Variants in FOXN3 observed in about 807,000 individuals in gnomAD.
FOXN3 encodes the protein forkhead box protein N3.
A neutral mutation model predicts 38.4 loss-of-function variants in FOXN3; 7 were observed. That is an observed-to-expected ratio of 0.18 (90% CI 0.10 to 0.34). The LOEUF (loss-of-function observed/expected upper bound fraction) is 0.34. Among genes scored for constraint, FOXN3 ranks in the 10% least tolerant of loss-of-function variants. The pLI is 1.00. For synonymous variants in FOXN3, 230 were observed against 242.2 expected, an observed-to-expected ratio of 0.95 and a Z score of 0.47; for missense variants, 456 against 613.4, an observed-to-expected ratio of 0.74 and a Z score of 2.71.
At chr14:89,288,576 T>C (rs887284769) in intron 3 of FOXN3, among the ~76,000 whole-genome samples, 3 of 151,594 alleles carry the variant, frequency 2.0e-5, no homozygotes, top group Non-Finnish European at 2.9e-5. Context: ...AAAACCTTGG[T>C]ATGTGAGCAT....
At chr14:89,464,326 T>C (rs1892925080) in intron 1 of FOXN3, among the ~76,000 whole-genome samples, 1 of 152,160 alleles carries the variant, frequency 6.6e-6, no homozygotes, top group South Asian at 2.1e-4. Flanking sequence ...CCTACTCTAC[T>C]TGGAGATAGC....
intron 1 of FOXN3, among the ~76,000 whole-genome samples, chr14:89,543,874 G>A (rs1360171322): frequency 6.6e-6 from 1 of 151,922 alleles, no homozygotes; most frequent in Non-Finnish European, 1.5e-5. Flanking sequence ...CAACCGATTT[G>A]GTTTTAAGAC....
At chr14:89,383,381 A>T (rs952789310) in intron 2 of FOXN3, among the ~76,000 whole-genome samples, 1 of 152,216 alleles carries the variant, frequency 6.6e-6, no homozygotes, top group Non-Finnish European at 1.5e-5. Flanking sequence ...ATCAGAGGTG[A>T]GTGTATTGCA....
intron 1 of FOXN3, among the ~76,000 whole-genome samples, chr14:89,500,833 G>A (rs1446067859): frequency 1.3e-5 from 2 of 152,236 alleles, no homozygotes; most frequent in African/African-American, 4.8e-5. Context: ...AACTTGACCA[G>A]GAAGGCCTCA....
intron 2 of FOXN3, among the ~76,000 whole-genome samples, chr14:89,390,924 CA>C (rs1343962237): frequency 6.6e-6 from 1 of 152,138 alleles, no homozygotes; most frequent in East Asian, 1.9e-4. Flanking sequence ...GAGAGAAGCC[CA>C]AAGCCTCAGA....
intron 4 of FOXN3, among the ~76,000 whole-genome samples, chr14:89,276,074 C>G (rs11624456): frequency 2.6e-5 from 4 of 152,062 alleles, no homozygotes; most frequent in African/African-American, 9.7e-5. Context: ...ATCAAAAGTT[C>G]GAGACCAGCC....
chr14:89,436,249 T>G (rs1038911328), intron 1 of FOXN3, among the ~76,000 whole-genome samples: 6 of 150,896 alleles, frequency 4.0e-5, no homozygotes, highest in African/African-American at 1.5e-4. Flanking sequence ...ATTACATTCT[T>G]GGTTTTATAG....
chr14:89,375,384 C>T (rs1890449333), intron 2 of FOXN3, among the ~76,000 whole-genome samples: 1 of 151,694 alleles, frequency 6.6e-6, no homozygotes, highest in Non-Finnish European at 1.5e-5. Context: ...AGCAAGTTTG[C>T]AACATAACCT....
At chr14:89,549,713 T>C (rs1894963032) in intron 1 of FOXN3, among the ~76,000 whole-genome samples, 1 of 152,212 alleles carries the variant, frequency 6.6e-6, no homozygotes, top group Non-Finnish European at 1.5e-5. Flanking sequence ...GGTATTTCTT[T>C]TCAGATTCAA....
intron 3 of FOXN3, among the ~76,000 whole-genome samples, chr14:89,291,768 C>T (rs916368891): frequency 9.2e-5 from 14 of 152,320 alleles, no homozygotes; most frequent in East Asian, 5.8e-4. Flanking sequence ...TTGCGAACTG[C>T]GATTGACCTA....
intron 1 of FOXN3, among the ~76,000 whole-genome samples, chr14:89,559,355 C>T (rs1021150771): frequency 2.1e-4 from 32 of 152,090 alleles, no homozygotes; most frequent in African/African-American, 7.2e-4. Flanking sequence ...CCAGCCTTGG[C>T]AGCAGAGCAA....
intron 3 of FOXN3, among the ~76,000 whole-genome samples, chr14:89,322,153 G>T: frequency 6.6e-6 from 1 of 152,154 alleles, no homozygotes; most frequent in East Asian, 1.9e-4. Flanking sequence ...CAGGGTTCGG[G>T]ACCCCATAAT....
intron 1 of FOXN3, among the ~76,000 whole-genome samples, chr14:89,529,233 G>A (rs1894502232): frequency 6.6e-6 from 1 of 152,044 alleles, no homozygotes; most frequent in Non-Finnish European, 1.5e-5. Flanking sequence ...TTGTGTGTGT[G>A]TCTATGTTTA....
Position 89,343,937 on chromosome 14 carries a change from T to C in FOXN3, c.680+6735A>G, listed in dbSNP as rs528149696. On this transcript the variant is annotated intron_variant, in intron 3 of 5. Coordinates refer to ENST00000557258, the MANE Select transcript of FOXN3 (RefSeq NM_005197.4). The stretch of plus-strand genomic sequence containing the variant: ...CACCACACCCAGCTAATTTTTGTAT[T>C]TTTTGGTAGAGATGGGGTTTCACCA... Among the ~76,000 whole-genome samples, 16 of 152,200 alleles carry C rather than the reference T, an allele frequency of 1.1e-4. No individual in the cohort carries two copies. The South Asian group carries it at 3.3e-3, about 32-fold the overall frequency.
intron 1 of FOXN3, among the ~76,000 whole-genome samples, chr14:89,556,770 G>A (rs1895136786): frequency 6.6e-6 from 1 of 152,172 alleles, no homozygotes; most frequent in Non-Finnish European, 1.5e-5. Flanking sequence ...GCCGTCTCTG[G>A]CCTATCCCTG....
chr14:89,521,548 G>A (rs1894318686), intron 1 of FOXN3, among the ~76,000 whole-genome samples: 1 of 152,124 alleles, frequency 6.6e-6, no homozygotes, highest in African/African-American at 2.4e-5. Flanking sequence ...AGTCTGAGGA[G>A]AGGACAGGAA....
chr14:89,553,060 G>A (rs568864600), intron 1 of FOXN3, among the ~76,000 whole-genome samples: 4 of 150,564 alleles, frequency 2.7e-5, no homozygotes, highest in Non-Finnish European at 4.4e-5. Context: ...GCAAAATGGC[G>A]AAACCTCGTC....
At chr14:89,329,781 G>A (rs915527735) in intron 3 of FOXN3, among the ~76,000 whole-genome samples, 20 of 148,702 alleles carry the variant, frequency 1.3e-4, no homozygotes, top group African/African-American at 4.0e-4. Flanking sequence ...CTGTGAACCC[G>A]GGAGGCGGAG....
chr14:89,576,881 C>T (rs1895637075), intron 1 of FOXN3: 1 of 152,212 alleles, frequency 6.6e-6, no homozygotes, highest in Admixed American at 6.5e-5. Context: ...GATACTAGCA[C>T]AGTGGCTGCC....
Sources: allele counts gnomAD v4.1 joint callset (sites outside exome capture counted in the v4.1 genomes callset), GRCh38; gene constraint gnomAD v4.1.1; transcripts MANE v1.5; gene names NCBI Gene and HGNC (gene_info 2026-07-23, HGNC 2026-07-21).